Variants in ACTR5 observed in about 807,000 individuals in gnomAD.
ACTR5 encodes actin-related protein 5.
Under a neutral mutation model 61.2 loss-of-function variants are expected in ACTR5, and 43 were observed. The ratio of observed to expected loss-of-function variants is 0.70; its 90% CI spans 0.55 to 0.91. The LOEUF (loss-of-function observed/expected upper bound fraction) is 0.91, where lower values mean the gene tolerates loss of function less well. Among genes scored for constraint, ACTR5 ranks in the 40% least tolerant of loss-of-function variants. ACTR5 has a pLI of 0.00. For missense variants in ACTR5, 798 were observed against 782.2 expected, an observed-to-expected ratio of 1.02 and a Z score of -0.24; for synonymous variants, 333 against 310.5, an observed-to-expected ratio of 1.07 and a Z score of -0.76.
intron 5 of ACTR5, among the ~76,000 whole-genome samples, chr20:38,759,287 CTG>C (rs2084439166): frequency 6.6e-6 from 1 of 152,218 alleles, no homozygotes; most frequent in South Asian, 2.1e-4. Context: ...CCTTGGCAAA[CTG>C]TCATTCCCTG....
At chr20:38,765,239 T>G (rs1375225806) in intron 5 of ACTR5, among the ~76,000 whole-genome samples, 163 bp from the exon 6 acceptor site, 1 of 152,244 alleles carries the variant, frequency 6.6e-6, no homozygotes, top group Non-Finnish European at 1.5e-5. Flanking sequence ...AGTCTTCGTG[T>G]TCATGTGTGC....
At chr20:38,770,527 T>C (rs1351134997) in intron 8 of ACTR5, among the ~76,000 whole-genome samples, 1 of 152,240 alleles carries the variant, frequency 6.6e-6, no homozygotes, top group East Asian at 1.9e-4. Context: ...TATGACAATT[T>C]TTTTATATCA....
intron 3 of ACTR5, among the ~76,000 whole-genome samples, chr20:38,754,060 C>T (rs368571857): frequency 7.2e-5 from 11 of 151,966 alleles, no homozygotes; most frequent in African/African-American, 1.4e-4. Context: ...TTATTTCGCC[C>T]GGTTTATCTT....
At chr20:38,759,778 C>G (rs929982598) in intron 5 of ACTR5, among the ~76,000 whole-genome samples, 22 of 152,120 alleles carry the variant, frequency 1.4e-4, no homozygotes, top group Non-Finnish European at 1.5e-4. Context: ...CCATGCTTAG[C>G]TGACTGTAAT....
In ACTR5 at chr20:38,752,245, C is replaced by T; in HGVS notation, c.720C>T (p.Ser240=). Residue 240 remains serine, a synonymous_variant, in exon 3 of 9, where the codon AGC becomes AGT. Transcript: ENST00000243903. ...YPGHLAAITL[S]RMEEILHEHS... is the part of the protein sequence containing the mutation. ...GGCACCTGGCAGCCATCACCCTCAGCCGCATGGAGGAGATTCTGCATGAGC... is the reference window on the plus strand; with the variant it reads ...GGCACCTGGCAGCCATCACCCTCAGTCGCATGGAGGAGATTCTGCATGAGC... 6.2e-7 allele frequency: 1 copy of T among 1,614,044 alleles called. No homozygotes were observed. Among genetic ancestry groups the T allele is most frequent in the Non-Finnish European group, 8.5e-7 (1 of 1,179,898 alleles).
chr20:38,754,055 T>A (rs2084403097), intron 3 of ACTR5, among the ~76,000 whole-genome samples: 1 of 152,226 alleles, frequency 6.6e-6, no homozygotes, highest in Non-Finnish European at 1.5e-5. Context: ...CTCCTTTATT[T>A]CGCCCGGTTT....
chr20:38,757,981 TG>T (rs1379006853), intron 5 of ACTR5, among the ~76,000 whole-genome samples: 1 of 151,906 alleles, frequency 6.6e-6, no homozygotes, highest in African/African-American at 2.4e-5. Flanking sequence ...ATGTTGTCTT[TG>T]TTATGTATTC....
intron 5 of ACTR5, chr20:38,761,765 G>T: frequency 6.5e-6 from 1 of 153,616 alleles, no homozygotes. Context: ...AAGCGCTCAA[G>T]GACATGAAAA....
At position 38,771,573 on chromosome 20, in the gene ACTR5, G is replaced by C; in HGVS notation, c.1581G>C (p.Ser527=). 1.2e-6 allele frequency: 2 copies of C among 1,613,098 alleles called. No homozygotes were observed. Among genetic ancestry groups the C allele is most frequent in the South Asian group, 1.1e-5 (1 of 90,996 alleles). Residue 527 remains serine, a synonymous_variant, in exon 9 of 9, where the codon TCG becomes TCC. Coordinates refer to ENST00000243903, the MANE Select transcript of ACTR5 (RefSeq NM_024855.4). ...FRSSFQVQLA[S]NPVLDAWYGA... is the part of the protein sequence containing the mutation. ...TTGTGTTTCAGGTTCAACTTGCCTC[G>C]AACCCTGTGCTGGATGCCTGGTACG...
In ACTR5 at chr20:38,756,039, G is replaced by GGGCCTTGGAA; in HGVS notation, c.1176+1_1176+2insGCCTTGGAAG. 6.2e-7 allele frequency: 1 copy of GGGCCTTGGAA among 1,610,958 alleles called. No individual in the cohort carries two copies. Among genetic ancestry groups the GGGCCTTGGAA allele is most frequent in the Non-Finnish European group, 8.5e-7 (1 of 1,179,244 alleles). ...TGGATGTGGTAGACAGCAAGCCAGA[G>GGGCCTTGGAA]GTAACTTAGGGCCTTGGAAGGAGCA... On this transcript the variant is annotated frameshift_variant and splice_region_variant. Coordinates refer to ENST00000243903, the MANE Select transcript of ACTR5 (RefSeq NM_024855.4). LOFTEE classifies it high-confidence loss of function.
intron 5 of ACTR5, among the ~76,000 whole-genome samples, chr20:38,765,128 A>AGCTG (rs2145675274): frequency 1.3e-5 from 2 of 152,326 alleles, no homozygotes; most frequent in Admixed American, 1.3e-4. Context: ...CCCAGCCATG[A>AGCTG]GCTGGCACCA....
At chr20:38,756,671 C>G (rs2084422024) in intron 5 of ACTR5, among the ~76,000 whole-genome samples, 1 of 152,194 alleles carries the variant, frequency 6.6e-6, no homozygotes, top group Non-Finnish European at 1.5e-5. Context: ...TTGGAAGTCC[C>G]AGGCAGGCAG....
At chr20:38,769,968 T>G (rs903780161) in intron 8 of ACTR5, among the ~76,000 whole-genome samples, 5 of 152,068 alleles carry the variant, frequency 3.3e-5, no homozygotes, top group African/African-American at 1.2e-4. Flanking sequence ...TCGTAGAGGA[T>G]TTTCAAGATC....
chr20:38,769,858 A>G (rs1296114535), intron 8 of ACTR5, among the ~76,000 whole-genome samples: 1 of 152,102 alleles, frequency 6.6e-6, no homozygotes, highest in Non-Finnish European at 1.5e-5. Context: ...AGCAGGAGAG[A>G]GCAGCAGTGC....
intron 8 of ACTR5, 24 bp downstream of exon 8, chr20:38,767,620 T>G: frequency 6.3e-7 from 1 of 1,584,810 alleles, no homozygotes; most frequent in Non-Finnish European, 8.6e-7. Context: ...GAGTAGTCAA[T>G]TATTTTGAAA....
rs577660617 is a variant in ACTR5 at position 38,772,088 on chromosome 20, G to T, written c.*272G>T. The T allele has an allele frequency of 2.1e-6, 1 of 482,046 alleles. No homozygotes were observed. Among genetic ancestry groups the T allele is most frequent in the Admixed American group, 3.4e-5 (1 of 29,224 alleles). 29.9% of individuals were successfully genotyped at this position (482,046 alleles called of 1,614,324 possible). The stretch of plus-strand genomic sequence containing the variant: ...GCTGTGGCATCAGCTTCCTGGAGCA[G>T]TAAATGAAGACAGAGTGGAGGACAC... On this transcript the variant is annotated 3_prime_UTR_variant, in exon 9 of 9. Coordinates refer to ENST00000243903, the MANE Select transcript of ACTR5 (RefSeq NM_024855.4).
At chr20:38,749,900 TAAG>T in intron 1 of ACTR5, 107 bp from the exon 2 acceptor site, 1 of 877,580 alleles carries the variant, frequency 1.1e-6, no homozygotes, top group East Asian at 2.6e-5. Context: ...GGTTTTTGAT[TAAG>T]AAGCCAAAAG....
At chr20:38,754,812 A>G in intron 3 of ACTR5, 145 bp from the exon 4 acceptor site, 1 of 688,080 alleles carries the variant, frequency 1.5e-6, no homozygotes, top group South Asian at 1.9e-5. Flanking sequence ...GATGGTCTTG[A>G]TCTCCTGACC....
chr20:38,748,472 C>T lies in ACTR5; in HGVS notation c.-7C>T. On this transcript the variant is annotated 5_prime_UTR_variant, in exon 1 of 9. Transcript: ENST00000243903. ...GCCGAGGGGCGGGGCTGGACGCGCG[C>T]TCCAAGATGGCGGCGAACGTGTTCC... The T allele has an allele frequency of 6.8e-7, 1 of 1,480,232 alleles. No individual in the cohort carries two copies. The highest frequency in any genetic ancestry group is 8.9e-7 in the Non-Finnish European group (1 of 1,123,678). The allele number at this position is 1,480,232 out of a possible 1,614,324, so 91.7% of individuals were successfully genotyped here.
Sources: gnomAD v4.1 joint callset for allele counts (sites outside exome capture counted in the v4.1 genomes callset) on GRCh38, gnomAD v4.1.1 for gene constraint, MANE v1.5 for transcripts, NCBI Gene and HGNC (gene_info 2026-07-23, HGNC 2026-07-21) for gene names.